Variants in PLIN1 observed in about 807,000 individuals in gnomAD.
PLIN1 encodes the protein perilipin-1.
PLIN1 carries 37 observed loss-of-function variants against 45.8 expected under a neutral mutation model. The observed-to-expected ratio is 0.81, with a 90% confidence interval of 0.62 to 1.06. The LOEUF (loss-of-function observed/expected upper bound fraction) is 1.06. PLIN1 is among the 50% of genes least tolerant of loss of function. The probability of loss-of-function intolerance (pLI) is 0.00; values close to 1 mark genes in which losing one functional copy is unlikely to be tolerated. For synonymous variants in PLIN1, 340 were observed against 309.2 expected (o/e 1.10, Z -1.05); for missense variants, 776 against 716.5 (o/e 1.08, Z -0.95).
Position 89,669,578 on chromosome 15 carries a change from T to C in PLIN1, c.693A>G (p.Arg231=), listed in dbSNP as rs762066114. 1.2e-6 allele frequency: 2 copies of C among 1,613,964 alleles called. No individual in the cohort carries two copies. The highest frequency in any genetic ancestry group is 1.7e-6 in the Non-Finnish European group (2 of 1,179,950). ...RVGALTNTLS[R]YTVQTMARAL... is the part of the protein sequence containing the mutation. ...CCCGGGCCATGGTCTGCACGGTGTA[T>C]CGAGAGAGGGTGTTGGTCAGAGCCC... The change falls in exon 6 of 9, where the codon CGA becomes CGG. Residue 231 remains arginine (R), a synonymous_variant. Transcript: ENST00000300055.
chr15:89,668,659 C>T (rs755115486), intron 6 of PLIN1, among the ~76,000 whole-genome samples: 3 of 152,184 alleles, frequency 2.0e-5, no homozygotes, highest in South Asian at 2.1e-4. Flanking sequence ...CTATTCCATG[C>T]GAATGGTGGC....
In PLIN1 at chr15:89,669,573, G is replaced by C. The variant is rs751903385; in HGVS notation, c.698C>G (p.Thr233Ser). The C allele has an allele frequency of 6.2e-7, 1 of 1,613,868 alleles. No individual in the cohort carries two copies. The part of the protein sequence containing the change: ...GALTNTLSRY[T>S]VQTMARALEQ... ...CAGGGCCCGGGCCATGGTCTGCACG[G>C]TGTATCGAGAGAGGGTGTTGGTCAG... The change falls in exon 6 of 9, where the codon ACC becomes AGC. Residue 233 changes from threonine (T) to serine (S), a missense_variant. Physicochemically the swap from Thr to Ser is moderately conservative, Grantham distance 58 (BLOSUM62 1). Coordinates refer to ENST00000300055, the MANE Select transcript of PLIN1 (RefSeq NM_002666.5).
At chr15:89,677,204 T>G in intron 2 of PLIN1, 25 of 561,036 alleles carry the variant, frequency 4.5e-5, no homozygotes, top group Admixed American at 9.1e-5. Context: ...TAAGCCAGGA[T>G]TTCTGTCCCT....
intron 7 of PLIN1, 43 bp from the exon 8 acceptor site, chr15:89,667,224 C>T (rs763132288): frequency 6.2e-7 from 1 of 1,609,146 alleles, no homozygotes; most frequent in Non-Finnish European, 8.5e-7. Context: ...GGTAACTCCC[C>T]TGACCCTTCC....
intron 7 of PLIN1, 45 bp downstream of exon 7, chr15:89,667,557 C>G (rs547687142): frequency 6.2e-7 from 1 of 1,614,146 alleles, no homozygotes; most frequent in Non-Finnish European, 8.5e-7. Flanking sequence ...CTTCTCACCC[C>G]TTCTGTGGGC....
chr15:89,667,555 C>T (rs1485258437), intron 7 of PLIN1, 47 bp downstream of exon 7: 2 of 1,613,954 alleles, frequency 1.2e-6, no homozygotes, highest in South Asian at 1.1e-5. Flanking sequence ...TGCTTCTCAC[C>T]CCTTCTGTGG....
At chr15:89,665,995 C>T (rs1964334159) in intron 8 of PLIN1, 53 bp from the exon 9 acceptor site, 1 of 1,311,672 alleles carries the variant, frequency 7.6e-7, no homozygotes, top group Non-Finnish European at 1.0e-6. Flanking sequence ...GGCCCTGCGC[C>T]TCTGACCCAC....
intron 2 of PLIN1, among the ~76,000 whole-genome samples, chr15:89,676,376 T>C (rs1488846199): frequency 6.6e-6 from 1 of 152,166 alleles, no homozygotes; most frequent in Non-Finnish European, 1.5e-5. Flanking sequence ...GTCTCCCAAG[T>C]AGCTGGGACT....
rs1567077484 is a variant in PLIN1, at chr15:89,669,637, G to A, written c.634C>T (p.Pro212Ser). Residue 212 changes from proline to serine, a missense_variant, in exon 6 of 9, where the codon CCC becomes TCC. By Grantham distance (74) the Pro-to-Ser change is moderately conservative. Coordinates refer to ENST00000300055, the MANE Select transcript of PLIN1 (RefSeq NM_002666.5). ...CTCAAGAGGCTTGGCTTGGCCTTGGGAGACTTCTGGGCTTGCTGGTGTCCA... is the reference window on the plus strand; with the variant it reads ...CTCAAGAGGCTTGGCTTGGCCTTGGAAGACTTCTGGGCTTGCTGGTGTCCA... ...APGHQQAQKS[P>S]KAKPSLLSRV... 1 of 1,614,086 alleles carries A rather than the reference G, an allele frequency of 6.2e-7. No individual in the cohort carries two copies. The highest frequency in any genetic ancestry group is 1.1e-5 in the South Asian group (1 of 91,086).
intron 2 of PLIN1, chr15:89,676,870 T>C (rs1964527250): frequency 6.3e-6 from 1 of 159,276 alleles, no homozygotes; most frequent in Non-Finnish European, 1.4e-5. Context: ...AGTTTCACTA[T>C]CCGAACTGTG....
chr15:89,667,297 G>A (rs1964363814), intron 7 of PLIN1, 116 bp from the exon 8 acceptor site: 1 of 1,368,296 alleles, frequency 7.3e-7, no homozygotes. Context: ...AAAACTTCAG[G>A]CCTATTCTGC....
At chr15:89,666,802 G>A in intron 8 of PLIN1, 134 bp downstream of exon 8, 1 of 961,698 alleles carries the variant, frequency 1.0e-6, no homozygotes, top group South Asian at 1.4e-5. Flanking sequence ...AGGGCACTGA[G>A]GACTGGAGTG....
Position 89,670,130 on chromosome 15 carries a change from A to G in PLIN1, c.448T>C (p.Cys150Arg), listed in dbSNP as rs1434868999. Residue 150 changes from cysteine (C) to arginine (R), a missense_variant, in exon 5 of 9, where the codon TGC becomes CGC. Transcript: ENST00000300055. ...DKVLGAALAG[C>R]ELAWGVARDT... ...CTGGCCACCCCCCAGGCAAGCTCGC[A>G]CCCGGCCAAAGCGGCCCCCAGGACC... 2 of 1,614,150 alleles carry G rather than the reference A, an allele frequency of 1.2e-6. No homozygotes were observed. The highest frequency in any genetic ancestry group is 3.3e-4 in the Middle Eastern group (2 of 6,062).
At chr15:89,667,298 C>T (rs1281433516) in intron 7 of PLIN1, 117 bp from the exon 8 acceptor site, 2 of 1,369,994 alleles carry the variant, frequency 1.5e-6, no homozygotes, top group East Asian at 4.7e-5. Flanking sequence ...AAACTTCAGG[C>T]CTATTCTGCC....
In PLIN1 at chr15:89,669,653, C is replaced by CTGG; in HGVS notation, c.615_617dup (p.His205dup). 6.2e-7 allele frequency: 1 copy of CTGG among 1,613,964 alleles called. No homozygotes were observed. Among genetic ancestry groups the CTGG allele is most frequent in the African/African-American group, 1.3e-5 (1 of 75,020 alleles). On this transcript the variant is annotated inframe_insertion, in exon 6 of 9. Transcript: ENST00000300055. ...TGGCCTTGGGAGACTTCTGGGCTTG[C>CTGG]TGGTGTCCAGGAGCAGGGGCTGGGT...
At chr15:89,667,225 T>G in intron 7 of PLIN1, 44 bp from the exon 8 acceptor site, 1 of 1,609,072 alleles carries the variant, frequency 6.2e-7, no homozygotes, top group Non-Finnish European at 8.5e-7. Flanking sequence ...GTAACTCCCC[T>G]GACCCTTCCC....
chr15:89,673,443 T>C (rs1390944877), intron 2 of PLIN1, 29 bp from the exon 3 acceptor site: 7 of 1,546,068 alleles, frequency 4.5e-6, no homozygotes, highest in Non-Finnish European at 5.3e-6. Context: ...ATTCAAGTTG[T>C]CCCACCTCCC....
In PLIN1 at chr15:89,667,757, G is replaced by A; in HGVS notation, c.808C>T (p.Gln270Ter). The A allele has an allele frequency of 1.3e-6, 2 of 1,563,894 alleles. No homozygotes were observed. Among genetic ancestry groups the A allele is most frequent in the South Asian group, 1.2e-5 (1 of 85,046 alleles). Residue 270 changes from glutamine to a stop codon, truncating the protein, a stop_gained, in exon 7 of 9, where the codon CAG becomes TAG. Coordinates refer to ENST00000300055, the MANE Select transcript of PLIN1 (RefSeq NM_002666.5). LOFTEE classifies it high-confidence loss of function. The stretch of plus-strand genomic sequence containing the variant: ...TCGCTCCTCCGCCGGGACACCGCCT[G>A]CATGGCCACTGAGGCACCCCACTGG... The part of the protein sequence containing the change: ...LAQWGASVAM[Q>*]AVSRRRSEVR...
At chr15:89,676,464 G>C (rs939608863) in intron 2 of PLIN1, among the ~76,000 whole-genome samples, 1 of 152,120 alleles carries the variant, frequency 6.6e-6, no homozygotes, top group Non-Finnish European at 1.5e-5. Flanking sequence ...AGCCAGGATG[G>C]TCTTGATCTC....
Sources: gnomAD v4.1 joint callset for allele counts (sites outside exome capture counted in the v4.1 genomes callset) on GRCh38, gnomAD v4.1.1 for gene constraint, MANE v1.5 for transcripts, NCBI Gene and HGNC (gene_info 2026-07-23, HGNC 2026-07-21) for gene names.